Variants in SPEG observed in about 807,000 individuals in gnomAD.
SPEG encodes the protein striated muscle enriched protein kinase.
Under a neutral mutation model 300.4 loss-of-function variants are expected in SPEG, and 114 were observed. That is an observed-to-expected ratio of 0.38 (90% confidence interval 0.33 to 0.44). The LOEUF (loss-of-function observed/expected upper bound fraction) is 0.44, where lower values mean the gene tolerates loss of function less well. Ranked by LOEUF, SPEG falls within the 20% of genes least tolerant of loss-of-function variation. SPEG has a pLI of 1.00. For missense variants in SPEG, 4,201 were observed against 4,586.2 expected (o/e 0.92, Z 2.43); for synonymous variants, 1,964 against 2,018.9 (o/e 0.97, Z 0.73).
chr2:219,481,206 C>A lies in SPEG; in HGVS notation c.5370-98C>A. 1.5e-6 allele frequency: 2 copies of A among 1,342,058 alleles called. No individual in the cohort carries two copies. The highest frequency in any genetic ancestry group is 2.1e-6 in the Non-Finnish European group (2 of 960,048). The allele number at this position is 1,342,058 out of a possible 1,614,324, so 83.1% of individuals were successfully genotyped here. A position where few individuals can be genotyped will look rare whatever the true frequency, so the allele number is the denominator to read the frequency against. Reference sequence around the variant, plus strand: ...ATTTGCCCAGCCTCTGTCATCCTCACAACCCCAGAGCCTCCATCTGTCCCC... The same window carrying A: ...ATTTGCCCAGCCTCTGTCATCCTCAAAACCCCAGAGCCTCCATCTGTCCCC... On this transcript the variant is annotated intron_variant, in intron 26 of 40. Coordinates refer to ENST00000312358, the MANE Select transcript of SPEG (RefSeq NM_005876.5). The surrounding 1 kb of genome is among the most constrained non-coding windows in gnomAD (Gnocchi z 5.4).
Position 219,443,008 on chromosome 2 carries a change from G to A in SPEG, c.389-1645G>A. 1.0e-6 allele frequency: 1 copy of A among 957,216 alleles called. No homozygotes were observed. Among genetic ancestry groups the A allele is most frequent in the Non-Finnish European group, 1.6e-6 (1 of 615,724 alleles). The allele number at this position is 957,216 out of a possible 1,614,324, so 59.3% of individuals were successfully genotyped here. ...CCCTCTCACACACACACTGGCCAGG[G>A]AATGAGTTTCTGCTTGATGTTGCAG... On this transcript the variant is annotated intron_variant, in intron 1 of 40. Coordinates refer to ENST00000312358, the MANE Select transcript of SPEG (RefSeq NM_005876.5). This position sits in a 1 kb window ranked among gnomAD's most constrained non-coding sequence, Gnocchi z 4.6.
rs949105841 is a variant in SPEG at position 219,477,575 on chromosome 2, G to A, written c.4730-114G>A. On this transcript the variant is annotated intron_variant, in intron 20 of 40. Coordinates refer to ENST00000312358, the MANE Select transcript of SPEG (RefSeq NM_005876.5). This position sits in a 1 kb window ranked among gnomAD's most constrained non-coding sequence, Gnocchi z 6.4. ...CACCCCCAGCCCAGCACCCCGCCTT[G>A]AGCCCCCAACATTCTTGCACCTCTT... 1.0e-5 allele frequency: 14 copies of A among 1,361,942 alleles called. No individual in the cohort carries two copies. The highest frequency in any genetic ancestry group is 4.9e-5 in the Admixed American group (2 of 41,002). The allele number at this position is 1,361,942 out of a possible 1,614,324, so 84.4% of individuals were successfully genotyped here.
Position 219,492,784 on chromosome 2 carries a change from T to C in SPEG, c.9802T>C (p.Ter3268GlnextTer48). The change falls in exon 41 of 41, where the codon TAG becomes CAG. Residue 3268 changes from the stop codon to glutamine (Q), a stop_lost. Transcript: ENST00000312358. ...VLLRSYPGGP[*>Q] ...GCTGCGCTCCTACCCTGGCGGCCCC[T>C]AGAGGCACGGACCACAGCCAGGCCT... is the stretch of plus-strand genomic sequence containing the variant. 6.3e-7 allele frequency: 1 copy of C among 1,585,724 alleles called. No individual in the cohort carries two copies. Among genetic ancestry groups the C allele is most frequent in the South Asian group, 1.1e-5 (1 of 89,352 alleles).
rs1469296151 is a variant in SPEG at position 219,449,052 on chromosome 2, G to C, written c.1894G>C (p.Glu632Gln). 4 of 1,519,094 alleles carry C rather than the reference G, an allele frequency of 2.6e-6. No homozygotes were observed. The highest frequency in any genetic ancestry group is 3.5e-6 in the Non-Finnish European group (4 of 1,133,252). The allele number at this position is 1,519,094 out of a possible 1,614,324, so 94.1% of individuals were successfully genotyped here. The change falls in exon 4 of 41, where the codon GAG (glutamate) becomes CAG (glutamine). Residue 632 changes from glutamate (E) to glutamine (Q), a missense_variant. This residue lies in a region of SPEG where 1,258 missense variants were observed against 1,293.9 expected (regional missense o/e 0.97). Transcript: ENST00000312358. ...RTKAPPGRKR[E>Q]PPAQAVRFLP... ...GAAAGCACCCCCCGGTCGGAAGCGG[G>C]AGCCCCCGGCGCAGGCCGTGCGCTT...
At chr2:219,468,770 C>G in intron 11 of SPEG, 34 bp downstream of exon 11, 2 of 1,611,602 alleles carry the variant, frequency 1.2e-6, no homozygotes, top group Non-Finnish European at 1.7e-6. Context: ...TTGAGGGCCC[C>G]CCCAAGGGCC....
Position 219,481,662 on chromosome 2 carries a change from A to G in SPEG, c.5547A>G (p.Leu1849=). The change falls in exon 28 of 41, where the codon CTA becomes CTG. Residue 1849 remains leucine, a synonymous_variant. Coordinates refer to ENST00000312358, the MANE Select transcript of SPEG (RefSeq NM_005876.5). The surrounding 1 kb of genome is among the most constrained non-coding windows in gnomAD (Gnocchi z 5.4). ...DRLRPTAEET[L]EHPWFKTQAK... ...GGAGACCTACCGCAGAAGAGACCCT[A>G]GAACATCCTTGGTTCAAAGTGAGTC... is the stretch of plus-strand genomic sequence containing the variant. 1.9e-6 allele frequency: 3 copies of G among 1,614,186 alleles called. No individual in the cohort carries two copies. The highest frequency in any genetic ancestry group is 2.5e-6 in the Non-Finnish European group (3 of 1,180,022).
chr2:219,464,784 A>T lies in SPEG; in HGVS notation c.2881+176A>T. ...AACCAAAGCCCAGAGACAGGAAGTG[A>T]CCTGCCCAAAGCTGCACAGCACATT... On this transcript the variant is annotated intron_variant, in intron 9 of 40. Coordinates refer to ENST00000312358, the MANE Select transcript of SPEG (RefSeq NM_005876.5). This position sits in a 1 kb window ranked among gnomAD's most constrained non-coding sequence, Gnocchi z 4.5. 1 of 612,236 alleles carries T rather than the reference A, an allele frequency of 1.6e-6. No individual in the cohort carries two copies. Among genetic ancestry groups the T allele is most frequent in the Non-Finnish European group, 2.9e-6 (1 of 348,010 alleles). 37.9% of individuals were successfully genotyped at this position (612,236 alleles called of 1,614,324 possible). A position where few individuals can be genotyped will look rare whatever the true frequency, so the allele number is the denominator to read the frequency against.
intron 3 of SPEG, among the ~76,000 whole-genome samples, chr2:219,446,056 G>A (rs1689264443): frequency 6.6e-6 from 1 of 151,422 alleles, no homozygotes; most frequent in African/African-American, 2.4e-5. Context: ...ATGGGTATGG[G>A]TGTGGGGGCA....
rs1185404064 is a variant in SPEG, at chr2:219,489,517, C to T, written c.8499C>T (p.Ser2833=). ...CCACACCTCCTAGCCAGGCCTTGTC[C>T]TCGCTCAAGGCTGTGGGTCCACCAC... ...SPPTPPSQAL[S]SLKAVGPPPQ... The change falls in exon 36 of 41, where the codon TCC becomes TCT. Residue 2833 remains serine (S), a synonymous_variant. Transcript: ENST00000312358. 1.2e-6 allele frequency: 2 copies of T among 1,613,192 alleles called. No homozygotes were observed. The highest frequency in any genetic ancestry group is 1.7e-6 in the Non-Finnish European group (2 of 1,179,762).
At chr2:219,442,319 C>A (rs1688982048) in intron 1 of SPEG, among the ~76,000 whole-genome samples, 1 of 151,914 alleles carries the variant, frequency 6.6e-6, no homozygotes, top group Non-Finnish European at 1.5e-5. Context: ...CCCCGATCGC[C>A]CGCAATCCCC....
At chr2:219,487,231 G>A (rs1259805145) in intron 31 of SPEG, among the ~76,000 whole-genome samples, 2 of 152,154 alleles carry the variant, frequency 1.3e-5, no homozygotes, top group African/African-American at 4.8e-5. Context: ...ATTGGAGGAA[G>A]GAAAACTGGT....
chr2:219,462,321 A>T lies in SPEG; in HGVS notation c.2640A>T (p.Val880=), dbSNP rs980689805. The T allele has an allele frequency of 1.9e-6, 3 of 1,569,574 alleles. No individual in the cohort carries two copies. Among genetic ancestry groups the T allele is most frequent in the Non-Finnish European group, 2.6e-6 (3 of 1,156,046 alleles). The stretch of plus-strand genomic sequence containing the variant: ...AGGTCTCACTTATGGACCAGTCAGT[A>T]AGAGAAGGCCAAGATGTCATCATGA... ...TFKVSLMDQS[V]REGQDVIMSI... The change falls in exon 8 of 41, where the codon GTA becomes GTT. Residue 880 remains valine, a synonymous_variant. Transcript: ENST00000312358.
rs1401599428 is a variant in SPEG, at chr2:219,479,111, A to T, written c.5028-33A>T. On this transcript the variant is annotated intron_variant, in intron 22 of 40. Transcript: ENST00000312358. The surrounding 1 kb of genome is among the most constrained non-coding windows in gnomAD (Gnocchi z 5.5). ...CGCTGGGCTGGGCCGGGCAGTTGGC[A>T]CTGGGCACTGTTCTCCTTGATCTGG... The T allele has an allele frequency of 1.2e-6, 2 of 1,608,246 alleles. No homozygotes were observed. The highest frequency in any genetic ancestry group is 3.3e-5 in the Admixed American group (2 of 60,004).
chr2:219,436,454 A>C (rs1954721980), intron 1 of SPEG, among the ~76,000 whole-genome samples: 1 of 152,238 alleles, frequency 6.6e-6, no homozygotes, highest in Admixed American at 6.5e-5. Flanking sequence ...GAGAGATGGC[A>C]AGGAGCTGGG....
rs765793723 is a variant in SPEG, at chr2:219,481,433, C to T, written c.5499C>T (p.Ile1833=). Residue 1833 remains isoleucine, a synonymous_variant, in exon 27 of 41, where the codon ATC becomes ATT. Coordinates refer to ENST00000312358, the MANE Select transcript of SPEG (RefSeq NM_005876.5). This position sits in a 1 kb window ranked among gnomAD's most constrained non-coding sequence, Gnocchi z 5.4. ...SLSREARGFL[I]KVLVQDRLRP... is the part of the protein sequence containing the mutation. ...GCAGGGAGGCCCGGGGCTTCCTCAT[C>T]AAAGTGTTGGTGCAGGACCGGCTGT... The T allele has an allele frequency of 6.2e-6, 10 of 1,614,030 alleles. No homozygotes were observed. The East Asian group carries it at 2.2e-4, about 36-fold the overall frequency.
chr2:219,490,525 T>C lies in SPEG; in HGVS notation c.9038T>C (p.Val3013Ala). 6.2e-7 allele frequency: 1 copy of C among 1,611,874 alleles called. No homozygotes were observed. Among genetic ancestry groups the C allele is most frequent in the Non-Finnish European group, 8.5e-7 (1 of 1,179,968 alleles). The change falls in exon 37 of 41, where the codon GTG (valine) becomes GCG (alanine). Residue 3013 changes from valine (V) to alanine (A), a missense_variant. Physicochemically the swap from Val to Ala is moderately conservative, Grantham distance 64 (BLOSUM62 0). Coordinates refer to ENST00000312358, the MANE Select transcript of SPEG (RefSeq NM_005876.5). ...GKRRVLQEYE[V>A]LRTLHHERIM... ...CGGCGGGTCCTGCAGGAGTACGAGG[T>C]GCTGCGGACCCTGCACCACGAGCGG...
chr2:219,490,128 A>C (rs899527369), intron 36 of SPEG, among the ~76,000 whole-genome samples, 189 bp downstream of exon 36: 1 of 152,246 alleles, frequency 6.6e-6, no homozygotes, highest in African/African-American at 2.4e-5. Flanking sequence ...TGATCTCATC[A>C]AATCTTCACA....
rs771981584 is a variant in SPEG at position 219,488,321 on chromosome 2, T to G, written c.7858+11T>G. On this transcript the variant is annotated intron_variant, in intron 32 of 40. Transcript: ENST00000312358. ...TCTCCTGGATGAAAGGTAAGGAGAC[T>G]CTGTCTCCCACAGAGAGGGAGGCCA... 6.3e-7 allele frequency: 1 copy of G among 1,587,520 alleles called. No individual in the cohort carries two copies. The highest frequency in any genetic ancestry group is 1.3e-5 in the African/African-American group (1 of 74,264).
At chr2:219,466,013 C>G in intron 9 of SPEG, 1 of 1,568,026 alleles carries the variant, frequency 6.4e-7, no homozygotes, top group African/African-American at 1.3e-5. Flanking sequence ...GCGTATGCTG[C>G]ACTAACCTGC....
Sources: allele counts gnomAD v4.1 joint callset (sites outside exome capture counted in the v4.1 genomes callset), GRCh38; gene constraint gnomAD v4.1.1; regional missense constraint gnomAD v4.1.1; non-coding constraint Gnocchi (gnomAD v3.1); transcripts MANE v1.5; gene names NCBI Gene and HGNC (gene_info 2026-07-23, HGNC 2026-07-21).